MAP4: variants seen among roughly 807,000 people sequenced by gnomAD.
MAP4 encodes microtubule-associated protein 4.
Under a neutral mutation model 170.2 loss-of-function variants are expected in MAP4, and 76 were observed. The ratio of observed to expected loss-of-function variants is 0.45; its 90% confidence interval spans 0.37 to 0.54. The LOEUF is 0.54. Among genes scored for constraint, MAP4 ranks in the 20% least tolerant of loss-of-function variants. MAP4 has a pLI of 0.00. For synonymous variants in MAP4, 909 were observed against 994.5 expected (o/e 0.91, Z 1.62); for missense variants, 2,506 against 2,748.0 (o/e 0.91, Z 1.97).
chr3:48,037,030 C>T (rs552572796), intron 1 of MAP4, among the ~76,000 whole-genome samples: 1 of 152,226 alleles, frequency 6.6e-6, no homozygotes, highest in Admixed American at 6.5e-5. Context: ...ATCTCAACTA[C>T]ACCTCCCTAC....
chr3:48,075,025 A>G (rs2100143148), intron 1 of MAP4, among the ~76,000 whole-genome samples: 1 of 152,126 alleles, frequency 6.6e-6, no homozygotes, highest in South Asian at 2.1e-4. Context: ...CTCAAATGGA[A>G]ATGCCAAGGA....
intron 10 of MAP4, among the ~76,000 whole-genome samples, chr3:47,879,194 A>G (rs1167242541): frequency 6.6e-6 from 1 of 152,118 alleles, no homozygotes; most frequent in Admixed American, 6.6e-5. Flanking sequence ...AAAATAAAGC[A>G]TGGAGAAATT....
rs2100039729 is a variant in MAP4 at position 47,916,830 on chromosome 3, T to A, written c.997A>T (p.Asn333Tyr). The change falls in exon 7 of 21, where the codon AAT becomes TAT. Residue 333 changes from asparagine to tyrosine, a missense_variant. This residue lies in a region of MAP4 where 2,008 missense variants were observed against 2,206.0 expected (regional missense o/e 0.91). Transcript: ENST00000683076. Reference protein sequence around the residue: ...PTETDVSSAKNVVLPTETEVA... With the variant: ...PTETDVSSAKYVVLPTETEVA... The stretch of plus-strand genomic sequence containing the variant: ...TCTGTTTCTGTGGGCAGTACCACAT[T>A]CTTGGCTGAAGATACATCTGTTTCT... 6.2e-7 allele frequency: 1 copy of A among 1,614,244 alleles called. No homozygotes were observed. The highest frequency in any genetic ancestry group is 2.2e-5 in the East Asian group (1 of 44,886).
chr3:47,921,539 A>T (rs887409602), intron 5 of MAP4, among the ~76,000 whole-genome samples: 1 of 152,118 alleles, frequency 6.6e-6, no homozygotes, highest in African/African-American at 2.4e-5. Flanking sequence ...AAAATTTGTC[A>T]TTCTTTATTG....
rs577630316 is a variant in MAP4, at chr3:47,943,691, T to G, written c.293-15341A>C. 3.9e-5 allele frequency among the ~76,000 whole-genome samples: 6 copies of G among 152,036 alleles called. No homozygotes were observed. The East Asian group carries it at 1.2e-3, about 29-fold the overall frequency. On this transcript the variant is annotated intron_variant, in intron 3 of 20. Transcript: ENST00000683076. Reference sequence around the variant, plus strand: ...ATGATATTTGACATCCCTACAATGGTTGGAAGACTCTGAGTTTAGCCCTCT... The same window carrying G: ...ATGATATTTGACATCCCTACAATGGGTGGAAGACTCTGAGTTTAGCCCTCT...
At chr3:47,978,732 C>CT (rs1553691193) in intron 2 of MAP4, among the ~76,000 whole-genome samples, 82 of 141,688 alleles carry the variant, frequency 5.8e-4, no homozygotes, top group Admixed American at 1.2e-3. Flanking sequence ...CAGAGGACTC[C>CT]TTTTTTTTTT....
At chr3:47,980,324 C>G in intron 2 of MAP4, among the ~76,000 whole-genome samples, 1 of 152,136 alleles carries the variant, frequency 6.6e-6, no homozygotes, top group East Asian at 1.9e-4. Context: ...ATTTTAGCAA[C>G]CAGCCTAGCT....
At chr3:48,079,164 CA>C (rs2154569309) in intron 1 of MAP4, among the ~76,000 whole-genome samples, 2 of 151,974 alleles carry the variant, frequency 1.3e-5, no homozygotes, top group South Asian at 4.2e-4. Flanking sequence ...GACCCTGTCT[CA>C]AAAAACACAC....
intron 8 of MAP4, among the ~76,000 whole-genome samples, chr3:47,913,446 T>C (rs2100036972): frequency 6.6e-6 from 1 of 152,232 alleles, no homozygotes; most frequent in South Asian, 2.1e-4. Context: ...CCAGTATTTA[T>C]AACATTTAAT....
chr3:48,035,362 A>T (rs1399183989), intron 1 of MAP4, among the ~76,000 whole-genome samples: 1 of 151,940 alleles, frequency 6.6e-6, no homozygotes, highest in Admixed American at 6.6e-5. Flanking sequence ...GACCAGATGC[A>T]GTGGCTGACA....
intron 3 of MAP4, among the ~76,000 whole-genome samples, chr3:47,972,580 C>T (rs967285268): frequency 6.6e-6 from 1 of 152,132 alleles, no homozygotes. Flanking sequence ...AGAGAGTTTA[C>T]AATAACTATC....
intron 12 of MAP4, among the ~76,000 whole-genome samples, chr3:47,874,807 A>G (rs1385398875): frequency 6.6e-6 from 1 of 152,260 alleles, no homozygotes; most frequent in Non-Finnish European, 1.5e-5. Flanking sequence ...GCTTCAGCCT[A>G]GACTTCAACT....
Position 47,909,628 on chromosome 3 carries a change from T to C in MAP4, c.4793A>G (p.Asp1598Gly). 3 of 1,613,880 alleles carry C rather than the reference T, an allele frequency of 1.9e-6. No individual in the cohort carries two copies. Among genetic ancestry groups the C allele is most frequent in the Non-Finnish European group, 2.5e-6 (3 of 1,179,888 alleles). Residue 1598 changes from aspartate to glycine, a missense_variant, in exon 9 of 21, where the codon GAT becomes GGT. Transcript: ENST00000683076. ...GEARALEGYA[D>G]RGNFPAHPVN... is the part of the protein sequence containing the mutation. ...TGGATGTGCTGGGAAATTACCTCTATCTGCATATCCTTCTAGGGCTCTGGC... is the reference window on the plus strand; with the variant it reads ...TGGATGTGCTGGGAAATTACCTCTACCTGCATATCCTTCTAGGGCTCTGGC...
At position 47,895,484 on chromosome 3, in the gene MAP4, T is replaced by C. The variant is rs1577219862; in HGVS notation, c.5434+7466A>G. ...TATCTTCAGTAACCTTTCTGTCTCA[T>C]GCGGGAGTGCTGCCTATTGGCAGAG... On this transcript the variant is annotated intron_variant, in intron 10 of 20. Coordinates refer to ENST00000683076, the MANE Select transcript of MAP4 (RefSeq NM_001385682.1). 2.6e-5 allele frequency among the ~76,000 whole-genome samples: 4 copies of C among 152,238 alleles called. 1 individual carries two copies. The East Asian group carries it at 7.7e-4, about 29-fold the overall frequency.
chr3:48,077,631 C>A (rs955946283), intron 1 of MAP4, among the ~76,000 whole-genome samples: 1 of 151,732 alleles, frequency 6.6e-6, no homozygotes, highest in Non-Finnish European at 1.5e-5. Flanking sequence ...TGTGCCACCA[C>A]GCCTGGCGAT....
chr3:47,945,634 C>T (rs2100059306), intron 3 of MAP4, among the ~76,000 whole-genome samples: 1 of 152,036 alleles, frequency 6.6e-6, no homozygotes, highest in Non-Finnish European at 1.5e-5. Flanking sequence ...ATGCAATCTA[C>T]AAATTAAGAT....
intron 1 of MAP4, among the ~76,000 whole-genome samples, chr3:48,011,547 C>T (rs997083988): frequency 6.7e-6 from 1 of 148,572 alleles, no homozygotes; most frequent in Admixed American, 6.7e-5. Context: ...AGCAAGACTC[C>T]GTCTCAAAAA....
chr3:47,994,481 C>T (rs1236627784), intron 2 of MAP4, among the ~76,000 whole-genome samples: 3 of 152,164 alleles, frequency 2.0e-5, no homozygotes, highest in African/African-American at 7.2e-5. Flanking sequence ...TTTCCTTTAA[C>T]TGTGCATTGT....
intron 3 of MAP4, among the ~76,000 whole-genome samples, chr3:47,942,803 A>G (rs1447758037): frequency 1.3e-5 from 2 of 152,216 alleles, no homozygotes. Context: ...CAACTTTTCT[A>G]TAAATTTGAA....
Sources: gnomAD v4.1 joint callset for allele counts (sites outside exome capture counted in the v4.1 genomes callset) on GRCh38, gnomAD v4.1.1 for gene constraint, gnomAD v4.1.1 regional missense constraint, MANE v1.5 for transcripts, NCBI Gene and HGNC (gene_info 2026-07-23, HGNC 2026-07-21) for gene names.